The following PPM1E variants were observed in gnomAD, a reference collection of about 807,000 sequenced individuals.
The protein encoded by PPM1E is protein phosphatase, Mg2+/Mn2+ dependent 1E.
Under a neutral mutation model 65.9 loss-of-function variants are expected in PPM1E, and 20 were observed. That is an observed-to-expected ratio of 0.30 (90% confidence interval 0.21 to 0.44). PPM1E has a LOEUF of 0.44. Among genes scored for constraint, PPM1E ranks in the 20% least tolerant of loss-of-function variants. The pLI, the probability that PPM1E is intolerant of heterozygous loss-of-function variation, is 1.00. For synonymous variants in PPM1E, 352 were observed against 374.9 expected (o/e 0.94, Z 0.70); for missense variants, 713 against 953.1 (o/e 0.75, Z 3.32).
intron 1 of PPM1E, among the ~76,000 whole-genome samples, chr17:58,937,042 A>T (rs776306106): frequency 3.9e-5 from 6 of 151,966 alleles, no homozygotes; most frequent in Non-Finnish European, 5.9e-5. Flanking sequence ...CACGCCTGTA[A>T]TCCCAGCACT....
intron 1 of PPM1E, among the ~76,000 whole-genome samples, chr17:58,757,290 G>A (rs1027122322): frequency 2.0e-5 from 3 of 152,156 alleles, no homozygotes; most frequent in African/African-American, 7.2e-5. Context: ...TAGATGGGAT[G>A]GGGTGGGGAG....
intron 1 of PPM1E, among the ~76,000 whole-genome samples, chr17:58,950,191 G>C (rs938511920): frequency 7.6e-6 from 1 of 131,580 alleles, no homozygotes; most frequent in African/African-American, 3.8e-5. Context: ...GTGAAACCCT[G>C]TCTCTACTAA....
chr17:58,962,925 A>C (rs1184189757), intron 2 of PPM1E, among the ~76,000 whole-genome samples: 1 of 151,690 alleles, frequency 6.6e-6, no homozygotes, highest in East Asian at 1.9e-4. Flanking sequence ...ACAACAAAAA[A>C]AATTTTTTTT....
At chr17:58,961,792 A>C (rs1034707432) in intron 2 of PPM1E, among the ~76,000 whole-genome samples, 1 of 152,076 alleles carries the variant, frequency 6.6e-6, no homozygotes, top group African/African-American at 2.4e-5. Flanking sequence ...CTGAATTTTA[A>C]ATTTTATTTA....
intron 1 of PPM1E, among the ~76,000 whole-genome samples, chr17:58,874,507 A>G (rs1350922839): frequency 6.6e-6 from 1 of 152,246 alleles, no homozygotes; most frequent in Non-Finnish European, 1.5e-5. Context: ...TTCCCAGATG[A>G]AAATTATATT....
At chr17:58,813,375 T>C (rs2050388310) in intron 1 of PPM1E, among the ~76,000 whole-genome samples, 1 of 152,220 alleles carries the variant, frequency 6.6e-6, no homozygotes, top group Admixed American at 6.5e-5. Context: ...AAAAGCTCAA[T>C]CTAACTTGTC....
chr17:58,953,485 A>G (rs550862371), intron 1 of PPM1E, among the ~76,000 whole-genome samples: 6 of 152,134 alleles, frequency 3.9e-5, no homozygotes, highest in Non-Finnish European at 8.8e-5. Flanking sequence ...AAATTAACTC[A>G]TTACCACAAG....
intron 1 of PPM1E, among the ~76,000 whole-genome samples, chr17:58,904,815 C>G (rs1437205523): frequency 2.0e-5 from 3 of 148,808 alleles, no homozygotes; most frequent in Non-Finnish European, 4.4e-5. Flanking sequence ...TTATTCATTG[C>G]TGGTGACCAA....
chr17:58,841,577 G>C (rs2050718451), intron 1 of PPM1E, among the ~76,000 whole-genome samples: 1 of 148,456 alleles, frequency 6.7e-6, no homozygotes, highest in Non-Finnish European at 1.5e-5. Flanking sequence ...CTGGAGTGCA[G>C]TGCAGTGGTG....
intron 1 of PPM1E, among the ~76,000 whole-genome samples, chr17:58,840,814 C>T (rs1253446125): frequency 3.3e-5 from 5 of 152,048 alleles, no homozygotes; most frequent in African/African-American, 7.2e-5. Context: ...TCTGGGCCAG[C>T]GTCATCAGTG....
At chr17:58,815,093 A>C (rs1000536845) in intron 1 of PPM1E, among the ~76,000 whole-genome samples, 2 of 152,156 alleles carry the variant, frequency 1.3e-5, no homozygotes, top group African/African-American at 4.8e-5. Flanking sequence ...TTTGCCCTCT[A>C]TTTACTTCAG....
chr17:58,852,963 G>A (rs1458815612), intron 1 of PPM1E, among the ~76,000 whole-genome samples: 2 of 151,946 alleles, frequency 1.3e-5, no homozygotes, highest in African/African-American at 4.8e-5. Flanking sequence ...CTTTTTAATT[G>A]GGTGGTTTGG....
chr17:58,774,165 C>A (rs1051820001), intron 1 of PPM1E, among the ~76,000 whole-genome samples: 2 of 150,698 alleles, frequency 1.3e-5, no homozygotes, highest in South Asian at 2.1e-4. Context: ...TCTGTCCCCC[C>A]CCCCCAAAAA....
intron 1 of PPM1E, among the ~76,000 whole-genome samples, chr17:58,880,081 G>C (rs1372001146): frequency 6.6e-6 from 1 of 152,196 alleles, no homozygotes; most frequent in Non-Finnish European, 1.5e-5. Context: ...CAAAAAAGTA[G>C]CTGTGAAAAA....
At chr17:58,830,819 G>A (rs2050597392) in intron 1 of PPM1E, among the ~76,000 whole-genome samples, 1 of 151,530 alleles carries the variant, frequency 6.6e-6, no homozygotes, top group Non-Finnish European at 1.5e-5. Context: ...CAAGTACCTA[G>A]AACTATAAGC....
chr17:58,827,561 G>A (rs1567845693), intron 1 of PPM1E, among the ~76,000 whole-genome samples: 1 of 152,062 alleles, frequency 6.6e-6, no homozygotes, highest in Non-Finnish European at 1.5e-5. Context: ...CAGATATTCT[G>A]TTACAGTGGG....
chr17:58,775,357 G>C (rs1000388515), intron 1 of PPM1E, among the ~76,000 whole-genome samples: 19 of 152,088 alleles, frequency 1.2e-4, no homozygotes, highest in African/African-American at 4.6e-4. Flanking sequence ...CAACTGATAA[G>C]TAGCTAGGAT....
chr17:58,971,558 T>A (rs1011615930), intron 4 of PPM1E, among the ~76,000 whole-genome samples: 63 of 152,186 alleles, frequency 4.1e-4, no homozygotes, highest in African/African-American at 1.4e-3. Flanking sequence ...GGAAGGATAT[T>A]TTTTTAAAGG....
At chr17:58,785,458 T>TTATATATATATATATA (rs71367630) in intron 1 of PPM1E, 1,235 of 88,528 alleles carry the variant, frequency 0.014, 30 homozygotes, top group Non-Finnish European at 0.016. Flanking sequence ...CCTGGCTAAT[T>TTATATATATATATATA]TATATATATA....
Sources: allele counts gnomAD v4.1 joint callset (sites outside exome capture counted in the v4.1 genomes callset), GRCh38; gene constraint gnomAD v4.1.1; transcripts MANE v1.5; gene names NCBI Gene and HGNC (gene_info 2026-07-23, HGNC 2026-07-21).